Variants in CTNNA3 observed in about 807,000 individuals in gnomAD.
CTNNA3 encodes the protein catenin alpha-3.
In CTNNA3, 76 loss-of-function variants were observed where a neutral mutation model predicts 95.7. That is an observed-to-expected ratio of 0.79 (90% confidence interval 0.66 to 0.96). The LOEUF (loss-of-function observed/expected upper bound fraction) is 0.96, where lower values mean the gene tolerates loss of function less well. Ranked by LOEUF, CTNNA3 falls within the 40% of genes least tolerant of loss-of-function variation. The probability of loss-of-function intolerance (pLI) is 0.00; values close to 1 mark genes in which losing one functional copy is unlikely to be tolerated. For missense variants in CTNNA3, 1,191 were observed against 1,089.8 expected, an observed-to-expected ratio of 1.09 and a Z score of -1.31; for synonymous variants, 431 against 374.4, an observed-to-expected ratio of 1.15 and a Z score of -1.74.
chr10:66,342,675 T>C (rs1366541515), intron 12 of CTNNA3, among the ~76,000 whole-genome samples: 1 of 152,100 alleles, frequency 6.6e-6, no homozygotes, highest in Non-Finnish European at 1.5e-5. Flanking sequence ...TTTTGTGCTA[T>C]AAATATTGGT....
intron 13 of CTNNA3, among the ~76,000 whole-genome samples, chr10:66,205,001 T>C (rs1413159245): frequency 6.6e-6 from 1 of 152,114 alleles, no homozygotes; most frequent in Non-Finnish European, 1.5e-5. Context: ...GTAATAAATT[T>C]TGAGATAAAA....
At chr10:67,490,459 A>G (rs1017616744) in intron 5 of CTNNA3, among the ~76,000 whole-genome samples, 2 of 152,198 alleles carry the variant, frequency 1.3e-5, no homozygotes, top group African/African-American at 4.8e-5. Flanking sequence ...TAACTAGAAA[A>G]GAGAGAACAA....
At chr10:66,239,760 G>A (rs1457884419) in intron 13 of CTNNA3, among the ~76,000 whole-genome samples, 1 of 151,698 alleles carries the variant, frequency 6.6e-6, no homozygotes, top group African/African-American at 2.4e-5. Flanking sequence ...GCATTGTTTG[G>A]GACAAGACAT....
intron 15 of CTNNA3, among the ~76,000 whole-genome samples, chr10:66,017,809 T>C (rs901928476): frequency 2.0e-5 from 3 of 152,106 alleles, no homozygotes; most frequent in Non-Finnish European, 4.4e-5. Context: ...CAGAATTACA[T>C]ACTTATAAAT....
At chr10:66,194,645 G>T (rs1156639474) in intron 13 of CTNNA3, among the ~76,000 whole-genome samples, 2 of 152,066 alleles carry the variant, frequency 1.3e-5, no homozygotes, top group African/African-American at 2.4e-5. Context: ...CACATTACAA[G>T]AATTTAAAAC....
chr10:66,444,191 T>C (rs1025763553), intron 11 of CTNNA3, among the ~76,000 whole-genome samples: 2 of 152,184 alleles, frequency 1.3e-5, no homozygotes, highest in Non-Finnish European at 2.9e-5. Context: ...ACCAAATCTA[T>C]ATCTGATTGG....
At chr10:66,667,980 G>T (rs1193684798) in intron 9 of CTNNA3, among the ~76,000 whole-genome samples, 1 of 152,062 alleles carries the variant, frequency 6.6e-6, no homozygotes, top group Non-Finnish European at 1.5e-5. Context: ...AAAATAAATT[G>T]TTTGATTTAC....
At chr10:66,280,677 CA>C in intron 12 of CTNNA3, 56 bp from the exon 13 acceptor site, 1 of 1,317,534 alleles carries the variant, frequency 7.6e-7, no homozygotes, top group Non-Finnish European at 1.0e-6. Context: ...TGGATTTATA[CA>C]GTAGTTTCCA....
At chr10:66,972,049 T>A (rs1389259741) in intron 7 of CTNNA3, among the ~76,000 whole-genome samples, 1 of 152,132 alleles carries the variant, frequency 6.6e-6, no homozygotes, top group African/African-American at 2.4e-5. Flanking sequence ...TTAACAGTCT[T>A]TATAATATCT....
intron 7 of CTNNA3, among the ~76,000 whole-genome samples, chr10:67,044,956 T>C (rs1283988308): frequency 1.3e-5 from 2 of 152,156 alleles, no homozygotes; most frequent in Non-Finnish European, 2.9e-5. Flanking sequence ...GTAAATAAGA[T>C]TTGATATTTA....
At chr10:66,510,405 T>C (rs12219186) in intron 11 of CTNNA3, among the ~76,000 whole-genome samples, 35,594 of 151,604 alleles carry the variant, frequency 0.23, 4,405 homozygotes, top group East Asian at 0.33. Context: ...TTCCTAATTG[T>C]TATGTGCTAG....
chr10:66,103,079 G>C (rs2081713908), intron 14 of CTNNA3, 78 bp downstream of exon 14: 12 of 1,158,374 alleles, frequency 1.0e-5, no homozygotes, highest in Non-Finnish European at 1.6e-5. Context: ...CCCATTAGAG[G>C]CTGCCTAGAT....
At chr10:67,480,634 C>T (rs988543492) in intron 5 of CTNNA3, among the ~76,000 whole-genome samples, 3 of 152,212 alleles carry the variant, frequency 2.0e-5, no homozygotes, top group Non-Finnish European at 2.9e-5. Context: ...CAGAGCCTGT[C>T]CCTTTGTTTC....
intron 5 of CTNNA3, among the ~76,000 whole-genome samples, chr10:67,350,910 G>GTGTGTATATATA (rs146861544): frequency 2.8e-5 from 4 of 141,806 alleles, no homozygotes; most frequent in African/African-American, 1.0e-4. Flanking sequence ...AAAAGTATGT[G>GTGTGTATATATA]TATATATATA....
intron 13 of CTNNA3, among the ~76,000 whole-genome samples, chr10:66,171,257 G>A (rs1406794612): frequency 6.6e-6 from 1 of 150,902 alleles, no homozygotes; most frequent in African/African-American, 2.4e-5. Context: ...AACTAACTAT[G>A]CTAGCCTTTA....
chr10:67,183,738 T>C (rs1348028599), intron 6 of CTNNA3, among the ~76,000 whole-genome samples: 1 of 151,598 alleles, frequency 6.6e-6, no homozygotes, highest in African/African-American at 2.4e-5. Context: ...TCCAAAAAGT[T>C]CACGTAAAAA....
At chr10:66,568,162 G>A (rs1842769084) in intron 10 of CTNNA3, among the ~76,000 whole-genome samples, 1 of 152,184 alleles carries the variant, frequency 6.6e-6, no homozygotes, top group Admixed American at 6.5e-5. Context: ...TAGCCAAGAA[G>A]TGATGCTTGA....
At chr10:66,036,862 A>ATTTTTTTT (rs57081880) in intron 15 of CTNNA3, among the ~76,000 whole-genome samples, 1 of 95,702 alleles carries the variant, frequency 1.0e-5, no homozygotes, top group Non-Finnish European at 2.0e-5. Context: ...AGTAGTTCCA[A>ATTTTTTTT]TTTTTTTTTT....
chr10:66,018,389 C>T (rs531716488), intron 15 of CTNNA3, among the ~76,000 whole-genome samples: 3 of 152,138 alleles, frequency 2.0e-5, no homozygotes, highest in Non-Finnish European at 4.4e-5. Flanking sequence ...TCGTGACATA[C>T]AAACAATGTG....
Sources: gnomAD v4.1 joint callset for allele counts (sites outside exome capture counted in the v4.1 genomes callset) on GRCh38, gnomAD v4.1.1 for gene constraint, MANE v1.5 for transcripts, NCBI Gene and HGNC (gene_info 2026-07-23, HGNC 2026-07-21) for gene names.